The following USP25 variants were observed in gnomAD, a reference collection of about 807,000 sequenced individuals.
The protein encoded by USP25 is ubiquitin carboxyl-terminal hydrolase 25.
Under a neutral mutation model 158.5 loss-of-function variants are expected in USP25, and 85 were observed. The ratio of observed to expected loss-of-function variants is 0.54; its 90% CI spans 0.45 to 0.64. The LOEUF is 0.64. USP25 is among the 30% of genes least tolerant of loss of function. The probability of loss-of-function intolerance (pLI) is 0.00; values close to 1 mark genes in which losing one functional copy is unlikely to be tolerated. For synonymous variants in USP25, 464 were observed against 460.4 expected (o/e 1.01, Z -0.10); for missense variants, 1,242 against 1,327.3 (o/e 0.94, Z 1.00).
At chr21:15,751,647 G>A (rs551715199) in intron 1 of USP25, among the ~76,000 whole-genome samples, 2 of 152,280 alleles carry the variant, frequency 1.3e-5, no homozygotes, top group Non-Finnish European at 2.9e-5. Flanking sequence ...ATTCATAAAA[G>A]TTTTGTTTAC....
intron 9 of USP25, among the ~76,000 whole-genome samples, chr21:15,812,666 AT>A (rs1171204040): frequency 1.3e-5 from 2 of 151,190 alleles, no homozygotes; most frequent in Non-Finnish European, 2.9e-5. Context: ...AAAAAAAAAA[AT>A]TAATTTGTCA....
Position 15,791,454 on chromosome 21 carries a change from GAT to G in USP25, c.393-42_393-41del, listed in dbSNP as rs138053313. On this transcript the variant is annotated intron_variant, in intron 4 of 25. Transcript: ENST00000400183. ...CTTTTAGAATGTGTGATATGCCTGG[GAT>G]ATATACCATTATATAATGCTGCATT... 7.8e-3 allele frequency: 11,960 copies of G among 1,532,948 alleles called. 121 individuals carry two copies. The highest frequency in any genetic ancestry group is 0.052 in the Admixed American group (2,505 of 48,576). 95.0% of individuals were successfully genotyped at this position (1,532,948 alleles called of 1,614,324 possible). A position where few individuals can be genotyped will look rare whatever the true frequency, so the allele number is the denominator to read the frequency against.
At chr21:15,818,081 T>C (rs1453098781) in intron 9 of USP25, among the ~76,000 whole-genome samples, 2 of 152,136 alleles carry the variant, frequency 1.3e-5, no homozygotes, top group Non-Finnish European at 2.9e-5. Flanking sequence ...CATCATGCTG[T>C]TCCATGGCCA....
At chr21:15,812,916 G>A (rs1056899354) in intron 9 of USP25, among the ~76,000 whole-genome samples, 1 of 151,988 alleles carries the variant, frequency 6.6e-6, no homozygotes, top group East Asian at 1.9e-4. Context: ...CACTGCAAAA[G>A]TCCCTCAACT....
At chr21:15,851,068 C>G (rs1415924838) in intron 20 of USP25, among the ~76,000 whole-genome samples, 4 of 151,618 alleles carry the variant, frequency 2.6e-5, no homozygotes, top group African/African-American at 9.7e-5. Flanking sequence ...CTAATTTTTA[C>G]CATTAGAAAT....
chr21:15,747,363 C>A (rs763806078), intron 1 of USP25, among the ~76,000 whole-genome samples: 24 of 151,446 alleles, frequency 1.6e-4, no homozygotes, highest in Non-Finnish European at 1.5e-5. Flanking sequence ...AAATAGTATA[C>A]CATATATAGT....
intron 5 of USP25, among the ~76,000 whole-genome samples, chr21:15,792,236 T>G (rs1217110213): frequency 1.3e-5 from 2 of 151,720 alleles, no homozygotes; most frequent in East Asian, 3.9e-4. Context: ...CTTGATCTGC[T>G]TATTCTAAAA....
chr21:15,772,292 T>C (rs1299044522), intron 3 of USP25, among the ~76,000 whole-genome samples: 1 of 152,192 alleles, frequency 6.6e-6, no homozygotes, highest in Non-Finnish European at 1.5e-5. Context: ...GTAGGATGAG[T>C]ATCACGTTTT....
chr21:15,824,227 T>A, intron 11 of USP25, 61 bp downstream of exon 11: 1 of 1,571,724 alleles, frequency 6.4e-7, no homozygotes, highest in Non-Finnish European at 8.6e-7. Flanking sequence ...GAAAATATTG[T>A]TTAGAGGAAA....
chr21:15,783,909 G>T (rs2123549440), intron 4 of USP25, among the ~76,000 whole-genome samples: 1 of 152,240 alleles, frequency 6.6e-6, no homozygotes, highest in East Asian at 1.9e-4. Context: ...GGCGGAGCTT[G>T]CAGTGAGCCG....
chr21:15,839,473 A>G (rs2038223921), intron 17 of USP25, among the ~76,000 whole-genome samples: 1 of 152,192 alleles, frequency 6.6e-6, no homozygotes, highest in East Asian at 1.9e-4. Context: ...GAACAACACA[A>G]TATAACCAGT....
Position 15,730,361 on chromosome 21 carries a change from A to C in USP25, c.-33A>C, listed in dbSNP as rs771601190. ...GCGGAGGCGCGAGGAGCCGGGCGCCACCGCCGCCGCCGCCGCCGCCGCCGC... is the reference window on the plus strand; with the variant it reads ...GCGGAGGCGCGAGGAGCCGGGCGCCCCCGCCGCCGCCGCCGCCGCCGCCGC... On this transcript the variant is annotated 5_prime_UTR_variant, in exon 1 of 26. Coordinates refer to ENST00000400183, the MANE Select transcript of USP25 (RefSeq NM_001283041.3). The C allele has an allele frequency of 8.5e-6, 10 of 1,181,008 alleles. No homozygotes were observed. Among genetic ancestry groups the C allele is most frequent in the Non-Finnish European group, 9.4e-6 (9 of 955,846 alleles). 73.2% of individuals were successfully genotyped at this position (1,181,008 alleles called of 1,614,324 possible).
chr21:15,809,372 A>G (rs2036544635), intron 8 of USP25, among the ~76,000 whole-genome samples: 1 of 152,148 alleles, frequency 6.6e-6, no homozygotes, highest in African/African-American at 2.4e-5. Flanking sequence ...CACTTCTGCA[A>G]ACATTTTGTT....
At chr21:15,864,763 A>G (rs2039583843) in intron 21 of USP25, among the ~76,000 whole-genome samples, 1 of 152,110 alleles carries the variant, frequency 6.6e-6, no homozygotes, top group Non-Finnish European at 1.5e-5. Flanking sequence ...AAATTAGATA[A>G]ATCTTTGTTG....
chr21:15,774,512 T>C (rs751056995), intron 3 of USP25, among the ~76,000 whole-genome samples: 6 of 152,156 alleles, frequency 3.9e-5, no homozygotes, highest in African/African-American at 7.2e-5. Flanking sequence ...AGACAACATC[T>C]GCCAAATACT....
chr21:15,735,034 C>A (rs1332118669), intron 1 of USP25, among the ~76,000 whole-genome samples: 1 of 152,178 alleles, frequency 6.6e-6, no homozygotes, highest in Non-Finnish European at 1.5e-5. Flanking sequence ...AACATTTCAT[C>A]TCTAGTATGT....
intron 3 of USP25, among the ~76,000 whole-genome samples, chr21:15,769,686 A>T (rs559289581): frequency 2.6e-5 from 4 of 152,120 alleles, no homozygotes; most frequent in Non-Finnish European, 5.9e-5. Context: ...TCTGTCATAG[A>T]CATGACCATA....
At chr21:15,735,805 T>C (rs1032417535) in intron 1 of USP25, among the ~76,000 whole-genome samples, 3 of 152,200 alleles carry the variant, frequency 2.0e-5, no homozygotes, top group Non-Finnish European at 4.4e-5. Flanking sequence ...GCTGAGCTGC[T>C]CATTTAGAGC....
intron 6 of USP25, among the ~76,000 whole-genome samples, chr21:15,802,002 T>C (rs999439380): frequency 4.0e-5 from 6 of 151,528 alleles, no homozygotes; most frequent in Non-Finnish European, 7.4e-5. Flanking sequence ...CCTGGAAATA[T>C]AATAATAGAT....
Sources: allele counts gnomAD v4.1 joint callset (sites outside exome capture counted in the v4.1 genomes callset), GRCh38; gene constraint gnomAD v4.1.1; transcripts MANE v1.5; gene names NCBI Gene and HGNC (gene_info 2026-07-23, HGNC 2026-07-21).